PPM1D: variants seen among roughly 807,000 people sequenced by gnomAD.
PPM1D encodes the protein protein phosphatase 1D.
A neutral mutation model predicts 58.3 loss-of-function variants in PPM1D; 52 were observed. The ratio of observed to expected loss-of-function variants is 0.89; its 90% CI spans 0.71 to 1.12. The LOEUF is 1.12. Ranked by LOEUF, PPM1D falls within the 50% of genes most tolerant of loss-of-function variation. PPM1D has a pLI of 0.00. For missense variants in PPM1D, 564 were observed against 777.2 expected, an observed-to-expected ratio of 0.73 and a Z score of 3.26; for synonymous variants, 278 against 285.1, an observed-to-expected ratio of 0.98 and a Z score of 0.25.
chr17:60,661,800 G>A (rs1195801101), intron 5 of PPM1D, among the ~76,000 whole-genome samples: 1 of 152,050 alleles, frequency 6.6e-6, no homozygotes, highest in Non-Finnish European at 1.5e-5. Context: ...TTGCTTTAAT[G>A]TTGTACTTTG....
rs1241495109 is a variant in PPM1D at position 60,600,577 on chromosome 17, C to G, written c.163C>G (p.Pro55Ala). ...LSQPLPPRPS[P>A]AALPGGEVSG... ...TCAGCCGTTGCCTCCGCGGCCGTCG[C>G]CGGCCGCCCTTCCCGGCGGCGAAGT... The change falls in exon 1 of 6, where the codon CCG (proline) becomes GCG (alanine). Residue 55 changes from proline (P) to alanine (A), a missense_variant. Physicochemically the swap from Pro to Ala is conservative, Grantham distance 27 (BLOSUM62 -1). This residue lies in a region of PPM1D where 132 missense variants were observed against 150.4 expected (regional missense o/e 0.88). Transcript: ENST00000305921. 6.4e-6 allele frequency: 10 copies of G among 1,552,888 alleles called. No homozygotes were observed. The highest frequency in any genetic ancestry group is 8.7e-6 in the Non-Finnish European group (10 of 1,149,224).
intron 3 of PPM1D, among the ~76,000 whole-genome samples, chr17:60,640,063 A>C (rs2031104098): frequency 6.6e-6 from 1 of 152,190 alleles, no homozygotes. Flanking sequence ...TCACACCCAT[A>C]ATTCTAACAC....
At chr17:60,642,528 G>T (rs997639685) in intron 3 of PPM1D, among the ~76,000 whole-genome samples, 1 of 151,866 alleles carries the variant, frequency 6.6e-6, no homozygotes, top group African/African-American at 2.4e-5. Flanking sequence ...GCGCGATCTC[G>T]GCTCACTGCA....
At chr17:60,632,368 A>G (rs1345482492) in intron 2 of PPM1D, among the ~76,000 whole-genome samples, 1 of 152,140 alleles carries the variant, frequency 6.6e-6, no homozygotes, top group Non-Finnish European at 1.5e-5. Context: ...ACCTAAATAT[A>G]TAGTATTTTC....
At position 60,663,659 on chromosome 17, in the gene PPM1D, T is replaced by C. The variant is rs890449444; in HGVS notation, c.*107T>C. On this transcript the variant is annotated 3_prime_UTR_variant, in exon 6 of 6. Transcript: ENST00000305921. Reference sequence around the variant, plus strand: ...TAAGGGGAGAAAATTAAAAGAAATATACAGTTTGACTTTTTGGAATTCAGC... The same window carrying C: ...TAAGGGGAGAAAATTAAAAGAAATACACAGTTTGACTTTTTGGAATTCAGC... 27 of 1,219,006 alleles carry C rather than the reference T, an allele frequency of 2.2e-5. No homozygotes were observed. The highest frequency in any genetic ancestry group is 2.6e-4 in the Middle Eastern group (1 of 3,788). 75.5% of individuals were successfully genotyped at this position (1,219,006 alleles called of 1,614,324 possible).
At chr17:60,609,996 A>G (rs564013099) in intron 1 of PPM1D, among the ~76,000 whole-genome samples, 3 of 152,190 alleles carry the variant, frequency 2.0e-5, no homozygotes, top group South Asian at 2.1e-4. Context: ...CCTGGCCAAC[A>G]TGGTGAAACC....
At chr17:60,630,625 C>T (rs1008534581) in intron 2 of PPM1D, among the ~76,000 whole-genome samples, 1 of 152,148 alleles carries the variant, frequency 6.6e-6, no homozygotes, top group African/African-American at 2.4e-5. Context: ...GTAAAAGCAT[C>T]TTTTATAACA....
At position 60,663,473 on chromosome 17, in the gene PPM1D, T is replaced by C; in HGVS notation, c.1739T>C (p.Met580Thr). Residue 580 changes from methionine (M) to threonine (T), a missense_variant, in exon 6 of 6, where the codon ATG becomes ACG. Around this residue, in one of 7 missense-constraint regions of PPM1D, gnomAD observed 261 missense variants for 270.1 expected, o/e 0.97. Transcript: ENST00000305921. The part of the protein sequence containing the change: ...SQRKNSVKLT[M>T]RRRLRGQKKI... ...CGAAAGAACTCTGTTAAACTCACCA[T>C]GCGACGCAGACTTAGGGGCCAGAAG... 6.2e-7 allele frequency: 1 copy of C among 1,614,088 alleles called. No individual in the cohort carries two copies. The highest frequency in any genetic ancestry group is 8.5e-7 in the Non-Finnish European group (1 of 1,180,036).
At position 60,600,211 on chromosome 17, in the gene PPM1D, C is replaced by T; in HGVS notation, c.-204C>T. 9.6e-7 allele frequency: 1 copy of T among 1,043,822 alleles called. No homozygotes were observed. The allele number at this position is 1,043,822 out of a possible 1,614,324, so 64.7% of individuals were successfully genotyped here. On this transcript the variant is annotated 5_prime_UTR_variant, in exon 1 of 6. Transcript: ENST00000305921. The stretch of plus-strand genomic sequence containing the variant: ...GAAGCGCAGTGCGCAGGCGCAACTG[C>T]CTGGCTCTGCTCGCTCCGGCGCTCC...
At chr17:60,611,843 A>T (rs925635899) in intron 1 of PPM1D, among the ~76,000 whole-genome samples, 5 of 152,152 alleles carry the variant, frequency 3.3e-5, no homozygotes, top group Non-Finnish European at 1.5e-5. Context: ...AAACTTATGT[A>T]ATTTTATTAA....
chr17:60,643,380 CA>C (rs1038856141), intron 3 of PPM1D, among the ~76,000 whole-genome samples: 2 of 151,226 alleles, frequency 1.3e-5, no homozygotes, highest in African/African-American at 2.4e-5. Context: ...GACCCAGTCT[CA>C]AAAAAAAGAA....
chr17:60,643,845 A>G (rs886346952), intron 3 of PPM1D, among the ~76,000 whole-genome samples: 5 of 151,170 alleles, frequency 3.3e-5, no homozygotes, highest in African/African-American at 9.7e-5. Context: ...AGATGGATCC[A>G]ATTTAAAGGT....
Position 60,664,944 on chromosome 17 carries a change from TAC to T in PPM1D, c.*1394_*1395del, listed in dbSNP as rs1212716479. On this transcript the variant is annotated 3_prime_UTR_variant, in exon 6 of 6. Coordinates refer to ENST00000305921, the MANE Select transcript of PPM1D (RefSeq NM_003620.4). Reference sequence around the variant, plus strand: ...AATCTCTCTCCCCAGAAGCTGGGATTACAGGTGTGTGCCACCACACCCGGCTA... The same window carrying T: ...AATCTCTCTCCCCAGAAGCTGGGATTAGGTGTGTGCCACCACACCCGGCTA... 1 of 151,358 alleles carries T rather than the reference TAC, an allele frequency of 6.6e-6. No individual in the cohort carries two copies. The highest frequency in any genetic ancestry group is 2.4e-5 in the African/African-American group (1 of 41,010). The allele number at this position is 151,358 out of a possible 1,614,324, so 9.4% of individuals were successfully genotyped here. A position where few individuals can be genotyped will look rare whatever the true frequency, so the allele number is the denominator to read the frequency against.
At chr17:60,601,131 A>G (rs909536403) in intron 1 of PPM1D, among the ~76,000 whole-genome samples, 1 of 152,212 alleles carries the variant, frequency 6.6e-6, no homozygotes, top group Non-Finnish European at 1.5e-5. Context: ...CCAAGGATCA[A>G]TGGGAAGCAG....
chr17:60,650,273 G>A (rs754862419), intron 4 of PPM1D, among the ~76,000 whole-genome samples: 3 of 152,162 alleles, frequency 2.0e-5, no homozygotes, highest in Non-Finnish European at 4.4e-5. Context: ...CATGTAGGCC[G>A]GGCGCAGTGG....
At position 60,600,537 on chromosome 17, in the gene PPM1D, G is replaced by A; in HGVS notation, c.123G>A (p.Pro41=). 6.4e-7 allele frequency: 1 copy of A among 1,555,132 alleles called. No individual in the cohort carries two copies. The highest frequency in any genetic ancestry group is 2.4e-5 in the East Asian group (1 of 41,364). ...PEPTAEEKPS[P]RRSLSQPLPP... ...CGACGGCTGAAGAAAAGCCCTCGCC[G>A]CGGCGGTCGCTGTCTCAGCCGTTGC... The change falls in exon 1 of 6, where the codon CCG becomes CCA. Residue 41 remains proline, a synonymous_variant. Transcript: ENST00000305921.
At chr17:60,649,880 T>A (rs552417453) in intron 4 of PPM1D, among the ~76,000 whole-genome samples, 2 of 152,332 alleles carry the variant, frequency 1.3e-5, no homozygotes, top group East Asian at 3.8e-4. Context: ...GATTCAGTTT[T>A]ACATGTTCAG....
At chr17:60,627,812 C>T (rs1456214291) in intron 2 of PPM1D, among the ~76,000 whole-genome samples, 2 of 151,938 alleles carry the variant, frequency 1.3e-5, no homozygotes, top group East Asian at 3.9e-4. Flanking sequence ...GTATCTGAAA[C>T]TTTATTAATG....
chr17:60,633,195 G>A (rs1055143693), intron 2 of PPM1D, among the ~76,000 whole-genome samples: 2 of 150,808 alleles, frequency 1.3e-5, no homozygotes, highest in East Asian at 2.0e-4. Flanking sequence ...TTAGGCAGGA[G>A]AATCGCTTGA....
Sources: allele counts gnomAD v4.1 joint callset (sites outside exome capture counted in the v4.1 genomes callset), GRCh38; gene constraint gnomAD v4.1.1; regional missense constraint gnomAD v4.1.1; transcripts MANE v1.5; gene names NCBI Gene and HGNC (gene_info 2026-07-23, HGNC 2026-07-21).